Variants in DNAJC13 observed in about 807,000 individuals in gnomAD.
The protein encoded by DNAJC13 is DnaJ heat shock protein family (Hsp40) member C13, also known as dnaJ homolog subfamily C member 13.
Under a neutral mutation model 290.5 loss-of-function variants are expected in DNAJC13, and 75 were observed. The ratio of observed to expected loss-of-function variants is 0.26; its 90% CI spans 0.21 to 0.31. The LOEUF (loss-of-function observed/expected upper bound fraction) is 0.31. Ranked by LOEUF, DNAJC13 falls within the 10% of genes least tolerant of loss-of-function variation. The probability of loss-of-function intolerance (pLI) is 1.00; values close to 1 mark genes in which losing one functional copy is unlikely to be tolerated. For missense variants in DNAJC13, 2,260 were observed against 2,674.5 expected (o/e 0.85, Z 3.42); for synonymous variants, 862 against 892.0 (o/e 0.97, Z 0.60).
rs373126601 is a variant in DNAJC13, at chr3:132,528,276, G to T, written c.6469G>T (p.Ala2157Ser). The T allele has an allele frequency of 3.1e-6, 5 of 1,614,046 alleles. No homozygotes were observed. In the African/African-American group the frequency reaches 6.7e-5, roughly 22 times the overall value. The change falls in exon 54 of 56, where the codon GCT (alanine) becomes TCT (serine). Residue 2157 changes from alanine (A) to serine (S), a missense_variant. By Grantham distance (99) the Ala-to-Ser change is moderately conservative (BLOSUM62 1). Around this residue, in one of 3 missense-constraint regions of DNAJC13, gnomAD observed 1,494 missense variants for 1,693.7 expected, o/e 0.88. Coordinates refer to ENST00000260818, the MANE Select transcript of DNAJC13 (RefSeq NM_015268.4). ...CCTGGACAGCCCAGCAGCCACTAAGGCTCAGATTGTTAAAGCTCTCAAGGC... is the reference window on the plus strand; with the variant it reads ...CCTGGACAGCCCAGCAGCCACTAAGTCTCAGATTGTTAAAGCTCTCAAGGC... ...ENLDSPAATKAQIVKALKAMT... is the reference protein window; with the variant it reads ...ENLDSPAATKSQIVKALKAMT...
Position 132,457,332 on chromosome 3 carries a change from C to A in DNAJC13, c.1413C>A (p.Ile471=), listed in dbSNP as rs113153200. Residue 471 remains isoleucine, a synonymous_variant, in exon 13 of 56, where the codon ATC becomes ATA. Coordinates refer to ENST00000260818, the MANE Select transcript of DNAJC13 (RefSeq NM_015268.4). The part of the protein sequence containing the change: ...KALKRSNNGI[I]HAAVDMLCAL... ...TCAAAAGAAGCAACAACGGAATAATCCATGCAGCAGTTGATATGCTTTGTG... is the reference window on the plus strand; with the variant it reads ...TCAAAAGAAGCAACAACGGAATAATACATGCAGCAGTTGATATGCTTTGTG... 6.2e-7 allele frequency: 1 copy of A among 1,613,498 alleles called. No individual in the cohort carries two copies. The highest frequency in any genetic ancestry group is 8.5e-7 in the Non-Finnish European group (1 of 1,179,610).
chr3:132,491,210 C>A (rs1030599781), intron 32 of DNAJC13, among the ~76,000 whole-genome samples, 159 bp downstream of exon 32: 6 of 152,136 alleles, frequency 3.9e-5, no homozygotes, highest in Admixed American at 1.3e-4. Flanking sequence ...TTTGATAAGG[C>A]CTTAAGGTTT....
At chr3:132,472,595 G>A in intron 20 of DNAJC13, 2 of 985,366 alleles carry the variant, frequency 2.0e-6, no homozygotes, top group Non-Finnish European at 2.4e-6. Context: ...CCTGCTACGT[G>A]TGTGAAATGC....
intron 1 of DNAJC13, among the ~76,000 whole-genome samples, chr3:132,423,333 T>A (rs988350115): frequency 2.6e-5 from 4 of 152,190 alleles, no homozygotes; most frequent in African/African-American, 9.7e-5. Flanking sequence ...TGCCACAACT[T>A]AATGGAAGGG....
At chr3:132,470,054 T>C (rs1310115944) in intron 20 of DNAJC13, among the ~76,000 whole-genome samples, 2 of 109,216 alleles carry the variant, frequency 1.8e-5, no homozygotes, top group Non-Finnish European at 3.7e-5. Context: ...GGCAGGGTCA[T>C]GGGACAATAG....
chr3:132,482,829 A>G (rs1187553221), intron 27 of DNAJC13, among the ~76,000 whole-genome samples: 9 of 152,116 alleles, frequency 5.9e-5, no homozygotes, highest in African/African-American at 2.2e-4. Context: ...ACTGCAATCC[A>G]GCCTGGGCAA....
chr3:132,489,101 T>C, intron 31 of DNAJC13, 80 bp downstream of exon 31: 1 of 1,131,124 alleles, frequency 8.8e-7, no homozygotes, highest in South Asian at 1.3e-5. Flanking sequence ...CTGTGTATTA[T>C]GTTTACTAGA....
chr3:132,471,876 T>C (rs1223535164), intron 20 of DNAJC13, among the ~76,000 whole-genome samples: 1 of 145,150 alleles, frequency 6.9e-6, no homozygotes, highest in Non-Finnish European at 1.5e-5. Flanking sequence ...TCTCGGCACT[T>C]TGGGAGGCCA....
intron 36 of DNAJC13, among the ~76,000 whole-genome samples, chr3:132,496,955 C>T (rs1376971500): frequency 2.0e-5 from 3 of 152,158 alleles, no homozygotes; most frequent in East Asian, 1.9e-4. Context: ...TTAGTAGCAA[C>T]GTGTTAAATG....
At chr3:132,443,165 T>C (rs1464909400) in intron 2 of DNAJC13, among the ~76,000 whole-genome samples, 1 of 152,194 alleles carries the variant, frequency 6.6e-6, no homozygotes, top group African/African-American at 2.4e-5. Flanking sequence ...AAAAATCTTT[T>C]TTTTATTTTT....
At chr3:132,471,450 G>T (rs1184262822) in intron 20 of DNAJC13, among the ~76,000 whole-genome samples, 22 of 141,258 alleles carry the variant, frequency 1.6e-4, no homozygotes, top group East Asian at 9.0e-4. Context: ...CTTCTCAGAC[G>T]GGGCAGCTGC....
At position 132,503,378 on chromosome 3, in the gene DNAJC13, T is replaced by C; in HGVS notation, c.4881T>C (p.Thr1627=). ...VARKLAVASV[T]EILKMLNSNT... is the part of the protein sequence containing the mutation. Reference sequence around the variant, plus strand: ...GAAAACTTGCTGTGGCTAGTGTGACTGAGGTATGTGCTTCACAGGTAGCCT... The same window carrying C: ...GAAAACTTGCTGTGGCTAGTGTGACCGAGGTATGTGCTTCACAGGTAGCCT... Residue 1627 remains threonine, a synonymous_variant, in exon 41 of 56, where the codon ACT becomes ACC. Coordinates refer to ENST00000260818, the MANE Select transcript of DNAJC13 (RefSeq NM_015268.4). The C allele has an allele frequency of 6.2e-7, 1 of 1,613,980 alleles. No homozygotes were observed. The highest frequency in any genetic ancestry group is 1.3e-5 in the African/African-American group (1 of 75,034).
chr3:132,435,986 G>A (rs1208925271), intron 2 of DNAJC13, among the ~76,000 whole-genome samples: 1 of 152,092 alleles, frequency 6.6e-6, no homozygotes, highest in Non-Finnish European at 1.5e-5. Context: ...AACTGTTTGT[G>A]TGCTCTTAGC....
At chr3:132,486,618 T>G (rs1318846434) in intron 29 of DNAJC13, among the ~76,000 whole-genome samples, 2 of 152,192 alleles carry the variant, frequency 1.3e-5, no homozygotes, top group Non-Finnish European at 2.9e-5. Context: ...CAAAAATTAT[T>G]TTTAAGAAGT....
chr3:132,521,099 A>G (rs1326088259), intron 48 of DNAJC13, among the ~76,000 whole-genome samples: 1 of 152,168 alleles, frequency 6.6e-6, no homozygotes, highest in Non-Finnish European at 1.5e-5. Context: ...CAATTTTGTT[A>G]AAAACCTTAA....
chr3:132,522,880 G>A lies in DNAJC13; in HGVS notation c.5726G>A (p.Arg1909Lys), dbSNP rs1371122899. Residue 1909 changes from arginine to lysine, a missense_variant, in exon 49 of 56, where the codon AGA becomes AAA. Transcript: ENST00000260818. ...FLPSVFMDAM[R>K]DNPEAAVHIF... ...CCAAGCGTTTTCATGGATGCTATGA[G>A]AGACAATCCTGAAGCTGCTGTACAT... is the stretch of plus-strand genomic sequence containing the variant. The A allele has an allele frequency of 6.2e-7, 1 of 1,613,364 alleles. No homozygotes were observed. Among genetic ancestry groups the A allele is most frequent in the South Asian group, 1.1e-5 (1 of 90,846 alleles).
chr3:132,499,389 G>A (rs1935341791), intron 37 of DNAJC13, 79 bp downstream of exon 37: 4 of 1,193,670 alleles, frequency 3.4e-6, no homozygotes, highest in Non-Finnish European at 4.6e-6. Flanking sequence ...AATTCAGCAA[G>A]TACAAATGCA....
At chr3:132,511,031 A>C in intron 43 of DNAJC13, 36 bp from the exon 44 acceptor site, 1 of 1,596,848 alleles carries the variant, frequency 6.3e-7, no homozygotes, top group South Asian at 1.1e-5. Flanking sequence ...TTCTTAGGGC[A>C]CCCATGTTGT....
At chr3:132,480,623 T>C (rs981898433) in intron 26 of DNAJC13, among the ~76,000 whole-genome samples, 153 bp downstream of exon 26, 2 of 152,228 alleles carry the variant, frequency 1.3e-5, no homozygotes, top group Non-Finnish European at 2.9e-5. Flanking sequence ...ACAGAAGATG[T>C]GAAACCACTG....
Sources: allele counts gnomAD v4.1 joint callset (sites outside exome capture counted in the v4.1 genomes callset), GRCh38; gene constraint gnomAD v4.1.1; regional missense constraint gnomAD v4.1.1; transcripts MANE v1.5; gene names NCBI Gene and HGNC (gene_info 2026-07-23, HGNC 2026-07-21).